THAP9: variants seen among roughly 807,000 people sequenced by gnomAD.
The protein encoded by THAP9 is THAP domain containing 9, also known as DNA transposase THAP9.
A neutral mutation model predicts 35.7 loss-of-function variants in THAP9; 20 were observed. The observed-to-expected ratio is 0.56, with a 90% CI of 0.39 to 0.81. THAP9 has a LOEUF of 0.81. Among genes scored for constraint, THAP9 ranks in the 40% least tolerant of loss-of-function variants. THAP9 has a pLI of 0.00. For missense variants in THAP9, 870 were observed against 1,047.4 expected (o/e 0.83, Z 2.34); for synonymous variants, 335 against 373.7 (o/e 0.90, Z 1.19).
intron 4 of THAP9, 76 bp downstream of exon 4, chr4:82,908,011 C>A: frequency 7.2e-7 from 1 of 1,381,610 alleles, no homozygotes; most frequent in East Asian, 2.4e-5. Flanking sequence ...GTTAATTACT[C>A]TTTAGATGTT....
rs937702577 is a variant in THAP9, at chr4:82,906,753, T to C, written c.580+126T>C. 6.7e-6 allele frequency: 6 copies of C among 890,676 alleles called. No homozygotes were observed. In the African/African-American group the frequency reaches 6.9e-5, roughly 10 times the overall value. The allele number at this position is 890,676 out of a possible 1,614,324, so 55.2% of individuals were successfully genotyped here. ...GTTGGGAAGTGAAAGTCTCAGTAGCTTAAGAAGAATGAAAATTAATCACCA... is the reference window on the plus strand; with the variant it reads ...GTTGGGAAGTGAAAGTCTCAGTAGCCTAAGAAGAATGAAAATTAATCACCA... On this transcript the variant is annotated intron_variant, in intron 3 of 4. Coordinates refer to ENST00000302236, the MANE Select transcript of THAP9 (RefSeq NM_024672.6).
intron 3 of THAP9, among the ~76,000 whole-genome samples, chr4:82,907,214 T>C (rs1720679848): frequency 6.6e-6 from 1 of 152,200 alleles, no homozygotes; most frequent in East Asian, 1.9e-4. Context: ...GCAGCAGAGA[T>C]TTGGATTTAC....
At chr4:82,901,765 A>G (rs1266024352) in intron 1 of THAP9, among the ~76,000 whole-genome samples, 1 of 151,726 alleles carries the variant, frequency 6.6e-6, no homozygotes, top group Non-Finnish European at 1.5e-5. Flanking sequence ...CTCCACCTAA[A>G]TTGTTAGCAG....
At chr4:82,916,892 A>G (rs1485587382) in intron 4 of THAP9, 52 bp from the exon 5 acceptor site, 7 of 1,449,564 alleles carry the variant, frequency 4.8e-6, no homozygotes, top group Non-Finnish European at 6.4e-6. Flanking sequence ...GCATTTTCCC[A>G]TTTGTCTTTT....
chr4:82,918,571 A>T lies in THAP9; in HGVS notation c.2359A>T (p.Ile787Phe). 1 of 1,614,048 alleles carries T rather than the reference A, an allele frequency of 6.2e-7. No homozygotes were observed. Among genetic ancestry groups the T allele is most frequent in the East Asian group, 2.2e-5 (1 of 44,884 alleles). The change falls in exon 5 of 5, where the codon ATT becomes TTT. Residue 787 changes from isoleucine to phenylalanine, a missense_variant. By Grantham distance (21) the Ile-to-Phe change is conservative (BLOSUM62 0). Around this residue, in one of 3 missense-constraint regions of THAP9, gnomAD observed 414 missense variants for 500.8 expected, o/e 0.83. Transcript: ENST00000302236. Reference sequence around the variant, plus strand: ...TGTAAGAACCCATTCAAGAATGGCAATTTTTGAACTAGTTTCTAAACAAAG... The same window carrying T: ...TGTAAGAACCCATTCAAGAATGGCATTTTTTGAACTAGTTTCTAAACAAAG... ...RVVRTHSRMA[I>F]FELVSKQREL...
In THAP9 at chr4:82,906,475, A is replaced by C. The variant is rs1422045902; in HGVS notation, c.428A>C (p.Gln143Pro). 2 of 1,613,770 alleles carry C rather than the reference A, an allele frequency of 1.2e-6. No homozygotes were observed. Among genetic ancestry groups the C allele is most frequent in the Non-Finnish European group, 1.7e-6 (2 of 1,179,800 alleles). ...GGTGCAGAGAAACTGGCTGAGGTGC[A>C]ACAAATGTTACAAGTGTCCAAAAAA... ...TIGAEKLAEV[Q>P]QMLQVSKKRL... The change falls in exon 3 of 5, where the codon CAA becomes CCA. Residue 143 changes from glutamine to proline, a missense_variant. This residue lies in a region of THAP9 where 440 missense variants were observed against 501.2 expected (regional missense o/e 0.88). Coordinates refer to ENST00000302236, the MANE Select transcript of THAP9 (RefSeq NM_024672.6).
In THAP9 at chr4:82,919,328, T is replaced by C. The variant is rs6842476; in HGVS notation, c.*404T>C. The C allele has an allele frequency of 0.53, 82,159 of 153,900 alleles. 23,952 individuals are homozygous for C. The highest frequency in any genetic ancestry group is 0.78 in the East Asian group (4,088 of 5,232). 9.5% of individuals were successfully genotyped at this position (153,900 alleles called of 1,614,324 possible). ...ACATTTCTGAAAGATCTTTGGTTTATGATTCTTAAGAATATTGACAATACC... is the reference window on the plus strand; with the variant it reads ...ACATTTCTGAAAGATCTTTGGTTTACGATTCTTAAGAATATTGACAATACC... On this transcript the variant is annotated 3_prime_UTR_variant, in exon 5 of 5. Transcript: ENST00000302236.
rs544988396 is a variant in THAP9, at chr4:82,901,142, C to T, written c.80+260C>T. ...TTAAGGAGAGTTACGCGAAAGGAGT[C>T]CTCCATTAATTGGATGGTCTTATTA... On this transcript the variant is annotated intron_variant, in intron 1 of 4. Transcript: ENST00000302236. 2.4e-5 allele frequency: 16 copies of T among 678,714 alleles called. No individual in the cohort carries two copies. In the African/African-American group the frequency reaches 2.5e-4, roughly 11 times the overall value. The allele number at this position is 678,714 out of a possible 1,614,324, so 42.0% of individuals were successfully genotyped here. A position where few individuals can be genotyped will look rare whatever the true frequency, so the allele number is the denominator to read the frequency against.
At position 82,909,107 on chromosome 4, in the gene THAP9, G is replaced by A. The variant is rs552995228; in HGVS notation, c.731+1172G>A. On this transcript the variant is annotated intron_variant, in intron 4 of 4. Transcript: ENST00000302236. ...TTTTTAGTAGAGGTGGGATTTCACCGTGTTGGCCAGGCTAATCTCGAACTC... is the reference window on the plus strand; with the variant it reads ...TTTTTAGTAGAGGTGGGATTTCACCATGTTGGCCAGGCTAATCTCGAACTC... Among the ~76,000 whole-genome samples the A allele has an allele frequency of 2.7e-5, 4 of 149,806 alleles. No homozygotes were observed. In the East Asian group the frequency reaches 5.9e-4, roughly 22 times the overall value.
chr4:82,905,045 C>A, intron 2 of THAP9, 114 bp downstream of exon 2: 2 of 864,240 alleles, frequency 2.3e-6, no homozygotes, highest in Non-Finnish European at 3.5e-6. Context: ...GTCTTAAATC[C>A]AGTAATAGAT....
chr4:82,901,564 T>A (rs1720377707), intron 1 of THAP9, among the ~76,000 whole-genome samples: 1 of 151,786 alleles, frequency 6.6e-6, no homozygotes, highest in African/African-American at 2.4e-5. Context: ...AGGAAGAGGG[T>A]AGTTAGGAAT....
chr4:82,906,690 GTATT>G, intron 3 of THAP9, 63 bp downstream of exon 3: 1 of 1,451,310 alleles, frequency 6.9e-7, no homozygotes, highest in South Asian at 1.5e-5. Flanking sequence ...GTACCATTAA[GTATT>G]TATTTTGTTC....
chr4:82,911,477 C>A (rs1225143716), intron 4 of THAP9, among the ~76,000 whole-genome samples: 1 of 152,054 alleles, frequency 6.6e-6, no homozygotes, highest in Non-Finnish European at 1.5e-5. Context: ...ACCTGTAGTC[C>A]CAGCTACTCG....
intron 4 of THAP9, chr4:82,910,884 TTATAG>T: frequency 3.6e-6 from 1 of 275,186 alleles, no homozygotes; most frequent in South Asian, 3.6e-5. Context: ...ACAAAAGCAG[TTATAG>T]TAGAGTGGTG....
chr4:82,907,128 C>T (rs181887353), intron 3 of THAP9, among the ~76,000 whole-genome samples: 48 of 152,208 alleles, frequency 3.2e-4, no homozygotes, highest in Non-Finnish European at 5.1e-4. Flanking sequence ...GGAAAGGCTA[C>T]CTAGTCCTCT....
In THAP9 at chr4:82,918,815, T is replaced by C. The variant is rs1222396250; in HGVS notation, c.2603T>C (p.Leu868Ser). The change falls in exon 5 of 5, where the codon TTA (leucine) becomes TCA (serine). Residue 868 changes from leucine (L) to serine (S), a missense_variant. This residue lies in a region of THAP9 where 414 missense variants were observed against 500.8 expected (regional missense o/e 0.83). Transcript: ENST00000302236. ...HHSERTDMKT[L>S]SRKHWSSVQD... ...TCAGAGAGAACTGATATGAAAACTT[T>C]ATCAAGGAAACACTGGTCATCTGTA... 3 of 1,613,724 alleles carry C rather than the reference T, an allele frequency of 1.9e-6. 1 individual carries two copies. The African/African-American group carries it at 4.0e-5, about 22-fold the overall frequency.
intron 3 of THAP9, among the ~76,000 whole-genome samples, chr4:82,907,002 T>C (rs1160546963): frequency 1.3e-5 from 2 of 152,194 alleles, no homozygotes; most frequent in Non-Finnish European, 2.9e-5. Context: ...TACATAATTT[T>C]ACCAAAGTCT....
chr4:82,910,524 C>A (rs1040287932), intron 4 of THAP9, among the ~76,000 whole-genome samples: 17 of 149,308 alleles, frequency 1.1e-4, no homozygotes, highest in Non-Finnish European at 1.9e-4. Flanking sequence ...CGTTTATTTT[C>A]TTATATTAAT....
At position 82,916,980 on chromosome 4, in the gene THAP9, C is replaced by A; in HGVS notation, c.768C>A (p.Asn256Lys). ...LSKCQPSPGF[N>K]SNIFSFLQRR... ...AATGCCAACCCAGTCCAGGTTTCAA[C>A]AGCAACATTTTTTCTTTTCTTCAAC... The change falls in exon 5 of 5, where the codon AAC (asparagine) becomes AAA (lysine). Residue 256 changes from asparagine to lysine, a missense_variant. Around this residue, in one of 3 missense-constraint regions of THAP9, gnomAD observed 440 missense variants for 501.2 expected, o/e 0.88. Coordinates refer to ENST00000302236, the MANE Select transcript of THAP9 (RefSeq NM_024672.6). 6.5e-7 allele frequency: 1 copy of A among 1,543,954 alleles called. No homozygotes were observed. Among genetic ancestry groups the A allele is most frequent in the Non-Finnish European group, 8.7e-7 (1 of 1,147,372 alleles).
Sources: gnomAD v4.1 joint callset for allele counts (sites outside exome capture counted in the v4.1 genomes callset) on GRCh38, gnomAD v4.1.1 for gene constraint, gnomAD v4.1.1 regional missense constraint, MANE v1.5 for transcripts, NCBI Gene and HGNC (gene_info 2026-07-23, HGNC 2026-07-21) for gene names.